Variants in RNF220 observed in about 807,000 individuals in gnomAD.
The protein encoded by RNF220 is ring finger protein 220.
In RNF220, 7 loss-of-function variants were observed where a neutral mutation model predicts 67.1. That is an observed-to-expected ratio of 0.10 (90% CI 0.06 to 0.20). RNF220 has a LOEUF of 0.20. Among genes scored for constraint, RNF220 ranks in the 10% least tolerant of loss-of-function variants. The pLI, the probability that RNF220 is intolerant of heterozygous loss-of-function variation, is 1.00. For missense variants in RNF220, 565 were observed against 740.3 expected, an observed-to-expected ratio of 0.76 and a Z score of 2.75; for synonymous variants, 270 against 283.2, an observed-to-expected ratio of 0.95 and a Z score of 0.47.
rs113178344 is a variant in RNF220, at chr1:44,615,672, C to T, written c.758+1375C>T. ...ACCCAGAGGGATGGAGACTGCTATA[C>T]GGGAAGAACTGGAGCTTGGGGGTAT... On this transcript the variant is annotated intron_variant, in intron 3 of 14. Coordinates refer to ENST00000361799, the MANE Select transcript of RNF220 (RefSeq NM_018150.4). Among the ~76,000 whole-genome samples, 433 of 152,218 alleles carry T rather than the reference C, an allele frequency of 2.8e-3. 3 individuals are homozygous for T. Among genetic ancestry groups the T allele is most frequent in the African/African-American group, 9.8e-3 (408 of 41,520 alleles).
chr1:44,644,603 C>A, intron 8 of RNF220, 95 bp from the exon 9 acceptor site: 1 of 892,406 alleles, frequency 1.1e-6, no homozygotes. Flanking sequence ...TGGGCCTTAT[C>A]AGGTCCAAAG....
rs368956659 is a variant in RNF220, at chr1:44,619,847, T to C, written c.759-2895T>C. On this transcript the variant is annotated intron_variant, in intron 3 of 14. Coordinates refer to ENST00000361799, the MANE Select transcript of RNF220 (RefSeq NM_018150.4). ...GGGGGCCAAGCACACTGGGAGGTAATCAGGTTGTTGGAGGGAAGATAGGGA... is the reference window on the plus strand; with the variant it reads ...GGGGGCCAAGCACACTGGGAGGTAACCAGGTTGTTGGAGGGAAGATAGGGA... Among the ~76,000 whole-genome samples, 25 of 152,058 alleles carry C rather than the reference T, an allele frequency of 1.6e-4. No individual in the cohort carries two copies. The East Asian group carries it at 4.5e-3, about 27-fold the overall frequency.
At chr1:44,613,579 C>T (rs902122236) in intron 2 of RNF220, among the ~76,000 whole-genome samples, 4 of 152,012 alleles carry the variant, frequency 2.6e-5, no homozygotes, top group African/African-American at 9.7e-5. Context: ...AATAATGAAC[C>T]CATCTCTATA....
chr1:44,430,104 A>T (rs943061146), intron 2 of RNF220, among the ~76,000 whole-genome samples: 1 of 151,748 alleles, frequency 6.6e-6, no homozygotes, highest in Admixed American at 6.6e-5. Flanking sequence ...AGAAAAAAAG[A>T]TACATTCATG....
At chr1:44,405,904 TC>T (rs1385099171) in intron 1 of RNF220, among the ~76,000 whole-genome samples, 3 of 152,160 alleles carry the variant, frequency 2.0e-5, no homozygotes, top group Non-Finnish European at 2.9e-5. Context: ...CTTTTCTCCG[TC>T]TCTTAATAAG....
chr1:44,591,389 C>T (rs962517394), intron 2 of RNF220, among the ~76,000 whole-genome samples: 5 of 152,234 alleles, frequency 3.3e-5, no homozygotes, highest in Non-Finnish European at 7.3e-5. Flanking sequence ...CCCTTGCAGG[C>T]CTTGCTAAGG....
chr1:44,405,377 A>ACTG lies in RNF220; in HGVS notation c.-254_-252dup, dbSNP rs111665631. 0.018 allele frequency: 10,686 copies of ACTG among 610,112 alleles called. 607 individuals carry two copies. Among genetic ancestry groups the ACTG allele is most frequent in the African/African-American group, 0.16 (8,126 of 51,892 alleles). 37.8% of individuals were successfully genotyped at this position (610,112 alleles called of 1,614,324 possible). A position where few individuals can be genotyped will look rare whatever the true frequency, so the allele number is the denominator to read the frequency against. ...AACACAAACCCGGGGCCAGCCGCCTACTGCTGCTGCTGCTGCTGCCGCTGC... is the reference window on the plus strand; with the variant it reads ...AACACAAACCCGGGGCCAGCCGCCTACTGCTGCTGCTGCTGCTGCTGCCGCTGC... On this transcript the variant is annotated 5_prime_UTR_variant, in exon 1 of 15. Coordinates refer to ENST00000361799, the MANE Select transcript of RNF220 (RefSeq NM_018150.4).
intron 2 of RNF220, among the ~76,000 whole-genome samples, chr1:44,477,466 A>G (rs1655397801): frequency 6.6e-6 from 1 of 152,242 alleles, no homozygotes; most frequent in African/African-American, 2.4e-5. Context: ...GGACATTTCA[A>G]AAAGAAGGAA....
chr1:44,477,630 G>C (rs959576080), intron 2 of RNF220, among the ~76,000 whole-genome samples: 1 of 152,164 alleles, frequency 6.6e-6, no homozygotes, highest in Non-Finnish European at 1.5e-5. Flanking sequence ...TCTGATCTAA[G>C]CTCAGCTTGG....
intron 2 of RNF220, among the ~76,000 whole-genome samples, chr1:44,475,399 C>T (rs1193499873): frequency 2.0e-5 from 3 of 150,586 alleles, no homozygotes; most frequent in Admixed American, 6.6e-5. Context: ...GGTGAAACTC[C>T]GTCTCTACTA....
At chr1:44,610,098 A>G (rs1413697751) in intron 2 of RNF220, among the ~76,000 whole-genome samples, 3 of 151,966 alleles carry the variant, frequency 2.0e-5, no homozygotes, top group African/African-American at 7.3e-5. Flanking sequence ...GTGGGGAGGG[A>G]GGTGAGGTAA....
At chr1:44,478,378 A>G (rs1316669803) in intron 2 of RNF220, among the ~76,000 whole-genome samples, 2 of 151,952 alleles carry the variant, frequency 1.3e-5, no homozygotes, top group Non-Finnish European at 2.9e-5. Context: ...CATTCAACAT[A>G]CAGTGGTAGA....
At chr1:44,546,351 AATC>A (rs1040404171) in intron 2 of RNF220, among the ~76,000 whole-genome samples, 1 of 152,024 alleles carries the variant, frequency 6.6e-6, no homozygotes, top group Non-Finnish European at 1.5e-5. Flanking sequence ...CTACCTGGAG[AATC>A]ACCTCCACCG....
At chr1:44,454,667 T>A (rs969827308) in intron 2 of RNF220, among the ~76,000 whole-genome samples, 12 of 151,472 alleles carry the variant, frequency 7.9e-5, no homozygotes, top group African/African-American at 2.4e-4. Flanking sequence ...TTTTTTTTTT[T>A]AAGTCAGATT....
At chr1:44,615,124 T>C (rs1643489531) in intron 3 of RNF220, among the ~76,000 whole-genome samples, 1 of 152,152 alleles carries the variant, frequency 6.6e-6, no homozygotes, top group Non-Finnish European at 1.5e-5. Context: ...TCAAAGCACC[T>C]ACACAGGGCT....
At position 44,524,063 on chromosome 1, in the gene RNF220, C is replaced by T. The variant is rs1660159487; in HGVS notation, c.626-90102C>T. Among the ~76,000 whole-genome samples the T allele has an allele frequency of 5.9e-5, 9 of 151,768 alleles. No homozygotes were observed. The South Asian group carries it at 1.9e-3, about 32-fold the overall frequency. On this transcript the variant is annotated intron_variant, in intron 2 of 14. Coordinates refer to ENST00000361799, the MANE Select transcript of RNF220 (RefSeq NM_018150.4). ...GAGACTCCCCCTGCCACTCTGGTGC[C>T]CCAGCAGCAGCCTGGCTAGAGTGGG... is the stretch of plus-strand genomic sequence containing the variant.
At chr1:44,436,485 A>T (rs1650987869) in intron 2 of RNF220, among the ~76,000 whole-genome samples, 1 of 152,202 alleles carries the variant, frequency 6.6e-6, no homozygotes, top group Non-Finnish European at 1.5e-5. Context: ...GCTAGCACAA[A>T]GGCCAGGGGA....
At chr1:44,520,401 G>A (rs1659841234) in intron 2 of RNF220, among the ~76,000 whole-genome samples, 1 of 152,180 alleles carries the variant, frequency 6.6e-6, no homozygotes, top group African/African-American at 2.4e-5. Context: ...GGGACATGGA[G>A]CTTGCAGTGA....
At chr1:44,536,026 T>C (rs1572805908) in intron 2 of RNF220, among the ~76,000 whole-genome samples, 1 of 152,224 alleles carries the variant, frequency 6.6e-6, no homozygotes, top group Non-Finnish European at 1.5e-5. Context: ...GCAAGGGTGC[T>C]CTTTTCTAAT....
Sources: allele counts gnomAD v4.1 joint callset (sites outside exome capture counted in the v4.1 genomes callset), GRCh38; gene constraint gnomAD v4.1.1; transcripts MANE v1.5; gene names NCBI Gene and HGNC (gene_info 2026-07-23, HGNC 2026-07-21).